The following RBFOX1 variants were observed in gnomAD, a reference collection of about 807,000 sequenced individuals.
RBFOX1 encodes RNA binding fox-1 homolog 1.
Under a neutral mutation model 57.7 loss-of-function variants are expected in RBFOX1, and 8 were observed. The observed-to-expected ratio is 0.14, with a 90% confidence interval of 0.08 to 0.25. RBFOX1 has a LOEUF of 0.25. Ranked by LOEUF, RBFOX1 falls within the 10% of genes least tolerant of loss-of-function variation. The probability of loss-of-function intolerance (pLI) is 1.00; values close to 1 mark genes in which losing one functional copy is unlikely to be tolerated. For missense variants in RBFOX1, 611 were observed against 548.5 expected, an observed-to-expected ratio of 1.11 and a Z score of -1.14; for synonymous variants, 326 against 222.4, an observed-to-expected ratio of 1.47 and a Z score of -4.15.
intron 1 of RBFOX1, among the ~76,000 whole-genome samples, chr16:5,413,319 T>C (rs542788020): frequency 6.6e-6 from 1 of 152,206 alleles, no homozygotes; most frequent in Non-Finnish European, 1.5e-5. Flanking sequence ...CTTTCTTTCG[T>C]TTCCCAGAAA....
chr16:7,101,292 G>C (rs1599525404), intron 4 of RBFOX1, among the ~76,000 whole-genome samples: 1 of 152,140 alleles, frequency 6.6e-6, no homozygotes, highest in African/African-American at 2.4e-5. Flanking sequence ...TAGCTTGGAT[G>C]AATACATGAC....
chr16:7,194,563 G>C (rs1349873166), intron 4 of RBFOX1, among the ~76,000 whole-genome samples: 1 of 152,118 alleles, frequency 6.6e-6, no homozygotes, highest in Non-Finnish European at 1.5e-5. Flanking sequence ...CTCAATGCCT[G>C]AAACCATCTT....
At chr16:7,297,031 A>G (rs910472098) in intron 4 of RBFOX1, among the ~76,000 whole-genome samples, 1 of 152,144 alleles carries the variant, frequency 6.6e-6, no homozygotes, top group Non-Finnish European at 1.5e-5. Flanking sequence ...CCCGTTTTCC[A>G]AGCTTGCACT....
chr16:5,623,539 C>G (rs58943275), intron 3 of RBFOX1, among the ~76,000 whole-genome samples: 6,346 of 150,748 alleles, frequency 0.042, 455 homozygotes, highest in African/African-American at 0.14. Context: ...CTACATGGTA[C>G]AGGTGCAGGT....
chr16:6,012,605 T>C (rs185469685), intron 4 of RBFOX1, among the ~76,000 whole-genome samples: 3 of 152,316 alleles, frequency 2.0e-5, no homozygotes, highest in Admixed American at 2.0e-4. Context: ...ATAGGCAATA[T>C]GTCATCTTCA....
At chr16:7,692,915 AATTTT>A (rs1420607860) in intron 14 of RBFOX1, among the ~76,000 whole-genome samples, 1 of 151,852 alleles carries the variant, frequency 6.6e-6, no homozygotes, top group Non-Finnish European at 1.5e-5. Context: ...ATAAGTCTAG[AATTTT>A]ATAATTTTTC....
At chr16:7,226,067 A>G (rs185565761) in intron 4 of RBFOX1, among the ~76,000 whole-genome samples, 2 of 152,004 alleles carry the variant, frequency 1.3e-5, no homozygotes, top group East Asian at 3.9e-4. Flanking sequence ...ATTCTCTCCA[A>G]ATAGTGGCAA....
In RBFOX1 at chr16:7,503,245, G is replaced by T. The variant is rs934664537; in HGVS notation, c.28-14902G>T. Among the ~76,000 whole-genome samples the T allele has an allele frequency of 2.6e-5, 4 of 152,252 alleles. No individual in the cohort carries two copies. In the East Asian group the frequency reaches 5.8e-4, roughly 22 times the overall value. ...CAAGAGATCCTTGGTGACATTCTTAGTGGGATACCGTAGTCAGCAACGTTC... is the reference window on the plus strand; with the variant it reads ...CAAGAGATCCTTGGTGACATTCTTATTGGGATACCGTAGTCAGCAACGTTC... On this transcript the variant is annotated intron_variant, in intron 4 of 15. Coordinates refer to ENST00000550418, the MANE Select transcript of RBFOX1 (RefSeq NM_018723.4).
At chr16:5,799,823 C>T (rs1184242247) in intron 3 of RBFOX1, among the ~76,000 whole-genome samples, 1 of 152,036 alleles carries the variant, frequency 6.6e-6, no homozygotes, top group East Asian at 1.9e-4. Context: ...TTGGGTGCCT[C>T]TACCTATTCA....
rs576940951 is a variant in RBFOX1, at chr16:7,338,472, T to C, written c.28-179675T>C. ...GTGCAGTGGTGCAATCATAGCTCAC[T>C]GTAGCCTCGAACTCCTGGTCTCAAG... is the stretch of plus-strand genomic sequence containing the variant. On this transcript the variant is annotated intron_variant, in intron 4 of 15. Coordinates refer to ENST00000550418, the MANE Select transcript of RBFOX1 (RefSeq NM_018723.4). Among the ~76,000 whole-genome samples the C allele has an allele frequency of 1.2e-3, 183 of 152,320 alleles. 1 individual carries two copies. Among genetic ancestry groups the C allele is most frequent in the South Asian group, 5.4e-3 (26 of 4,830 alleles).
intron 2 of RBFOX1, among the ~76,000 whole-genome samples, chr16:6,334,522 A>T (rs1171383838): frequency 6.6e-6 from 1 of 151,878 alleles, no homozygotes; most frequent in Admixed American, 6.6e-5. Flanking sequence ...AAAAAAAAAA[A>T]AATCAAAGAA....
intron 4 of RBFOX1, among the ~76,000 whole-genome samples, chr16:5,993,667 C>G (rs979224662): frequency 1.3e-5 from 2 of 152,072 alleles, no homozygotes; most frequent in Non-Finnish European, 2.9e-5. Context: ...TCAAGATTAC[C>G]CATTTAGCTG....
At chr16:6,451,702 C>G (rs2094627971) in intron 2 of RBFOX1, among the ~76,000 whole-genome samples, 1 of 152,156 alleles carries the variant, frequency 6.6e-6, no homozygotes, top group African/African-American at 2.4e-5. Flanking sequence ...GGCAGGTGTC[C>G]CCTCCTGTGT....
At chr16:6,430,466 G>A (rs914519352) in intron 2 of RBFOX1, among the ~76,000 whole-genome samples, 2 of 152,210 alleles carry the variant, frequency 1.3e-5, no homozygotes, top group Non-Finnish European at 2.9e-5. Flanking sequence ...TTTGAAGAAG[G>A]AAAAGGGTGT....
intron 4 of RBFOX1, among the ~76,000 whole-genome samples, chr16:7,180,411 C>T (rs2082469207): frequency 6.6e-6 from 1 of 152,156 alleles, no homozygotes; most frequent in Non-Finnish European, 1.5e-5. Context: ...TCATGGGTCA[C>T]TCTTGTCATC....
chr16:6,900,595 C>A (rs1379540514), intron 3 of RBFOX1, among the ~76,000 whole-genome samples: 1 of 152,196 alleles, frequency 6.6e-6, no homozygotes, highest in Non-Finnish European at 1.5e-5. Flanking sequence ...CCAGTTTTAG[C>A]AATGTGCTGA....
chr16:5,271,167 AG>A (rs1326363068), intron 1 of RBFOX1, among the ~76,000 whole-genome samples: 2 of 152,100 alleles, frequency 1.3e-5, no homozygotes, highest in Non-Finnish European at 2.9e-5. Flanking sequence ...TGGGCAACAG[AG>A]TGAGACTCTC....
intron 4 of RBFOX1, among the ~76,000 whole-genome samples, chr16:7,240,782 C>G (rs964875553): frequency 1.3e-5 from 2 of 152,124 alleles, no homozygotes; most frequent in Non-Finnish European, 2.9e-5. Flanking sequence ...GTTGCCCAGG[C>G]TGGTCTCAAA....
chr16:7,055,405 C>G lies in RBFOX1; in HGVS notation c.27+3307C>G, dbSNP rs533238698. 2.6e-5 allele frequency among the ~76,000 whole-genome samples: 4 copies of G among 152,210 alleles called. No homozygotes were observed. In the East Asian group the frequency reaches 7.7e-4, roughly 29 times the overall value. ...CCACCTCCCAGTTCCAGGGTTGATT[C>G]AGAGGCTTTTTGGTATCAGGGCAGT... On this transcript the variant is annotated intron_variant, in intron 4 of 15. Transcript: ENST00000550418.
Sources: allele counts gnomAD v4.1 joint callset (sites outside exome capture counted in the v4.1 genomes callset), GRCh38; gene constraint gnomAD v4.1.1; transcripts MANE v1.5; gene names NCBI Gene and HGNC (gene_info 2026-07-23, HGNC 2026-07-21).